Variants in TRPM6 observed in about 807,000 individuals in gnomAD.
The protein encoded by TRPM6 is transient receptor potential cation channel subfamily M member 6, also known as channel kinase 2.
A neutral mutation model predicts 247.6 loss-of-function variants in TRPM6; 111 were observed. The ratio of observed to expected loss-of-function variants is 0.45; its 90% CI spans 0.38 to 0.52. The LOEUF (loss-of-function observed/expected upper bound fraction) is 0.52, where lower values mean the gene tolerates loss of function less well. TRPM6 is among the 20% of genes least tolerant of loss of function. The probability of loss-of-function intolerance (pLI) is 0.00; values close to 1 mark genes in which losing one functional copy is unlikely to be tolerated. For missense variants in TRPM6, 2,126 were observed against 2,421.5 expected (o/e 0.88, Z 2.56); for synonymous variants, 892 against 853.8 (o/e 1.04, Z -0.78).
chr9:74,789,835 C>T (rs1827833946), intron 19 of TRPM6, among the ~76,000 whole-genome samples: 1 of 151,940 alleles, frequency 6.6e-6, no homozygotes, highest in South Asian at 2.1e-4. Flanking sequence ...GTGGTGCACA[C>T]CTGTAATCCC....
At position 74,728,411 on chromosome 9, in the gene TRPM6, C is replaced by T. The variant is rs1383650227; in HGVS notation, c.5829-66G>A. On this transcript the variant is annotated intron_variant, in intron 37 of 38. Coordinates refer to ENST00000360774, the MANE Select transcript of TRPM6 (RefSeq NM_017662.5). ...AAAAAGGAGCTCAACTAGGATTCTC[C>T]GAGATACCGAACAGTATCCCATAGT... is the stretch of plus-strand genomic sequence containing the variant. 3.9e-5 allele frequency: 45 copies of T among 1,146,776 alleles called. 1 individual carries two copies. Among genetic ancestry groups the T allele is most frequent in the African/African-American group, 3.0e-5 (2 of 65,654 alleles). The allele number at this position is 1,146,776 out of a possible 1,614,324, so 71.0% of individuals were successfully genotyped here.
chr9:74,789,049 G>A (rs1468350989), intron 19 of TRPM6, among the ~76,000 whole-genome samples: 1 of 152,178 alleles, frequency 6.6e-6, no homozygotes, highest in African/African-American at 2.4e-5. Flanking sequence ...AGGGGCACTG[G>A]CAAGCTAACA....
At chr9:74,797,999 G>GT (rs1184032726) in intron 17 of TRPM6, among the ~76,000 whole-genome samples, 3 of 151,972 alleles carry the variant, frequency 2.0e-5, no homozygotes, top group African/African-American at 7.3e-5. Flanking sequence ...ACATCCACAA[G>GT]TTTTTTTCAT....
At chr9:74,866,294 C>G (rs1202545278) in intron 1 of TRPM6, among the ~76,000 whole-genome samples, 1 of 152,006 alleles carries the variant, frequency 6.6e-6, no homozygotes, top group Non-Finnish European at 1.5e-5. Flanking sequence ...GGATTTTGCT[C>G]CTTAAAATTT....
chr9:74,733,869 C>G (rs1825605964), intron 36 of TRPM6, among the ~76,000 whole-genome samples: 1 of 152,180 alleles, frequency 6.6e-6, no homozygotes, highest in African/African-American at 2.4e-5. Flanking sequence ...CATACTTATA[C>G]TTTCATTCTA....
chr9:74,876,454 C>G (rs1381886158), intron 1 of TRPM6, among the ~76,000 whole-genome samples: 1 of 152,222 alleles, frequency 6.6e-6, no homozygotes, highest in Non-Finnish European at 1.5e-5. Flanking sequence ...TATTAACTCA[C>G]TTAAATTGCT....
intron 12 of TRPM6, 105 bp from the exon 13 acceptor site, chr9:74,810,973 G>T: frequency 1.1e-6 from 1 of 885,592 alleles, no homozygotes; most frequent in Non-Finnish European, 1.8e-6. Context: ...ACTGAAAATT[G>T]TGTTCAATAT....
intron 32 of TRPM6, among the ~76,000 whole-genome samples, chr9:74,743,655 T>C (rs1005698689): frequency 1.3e-5 from 2 of 152,216 alleles, no homozygotes; most frequent in African/African-American, 4.8e-5. Flanking sequence ...ATAACATCTT[T>C]GTTGAACTCA....
At chr9:74,814,111 T>C (rs1246859010) in intron 11 of TRPM6, among the ~76,000 whole-genome samples, 1 of 151,936 alleles carries the variant, frequency 6.6e-6, no homozygotes, top group East Asian at 1.9e-4. Context: ...AAAAAGAAAA[T>C]ATTGGATTCT....
chr9:74,809,462 T>C (rs1237625322), intron 13 of TRPM6, among the ~76,000 whole-genome samples: 3 of 152,200 alleles, frequency 2.0e-5, no homozygotes, highest in Admixed American at 6.5e-5. Context: ...TGAATGTAAA[T>C]AATTTAATTT....
intron 13 of TRPM6, among the ~76,000 whole-genome samples, chr9:74,809,758 C>G (rs1470643220): frequency 6.6e-6 from 1 of 152,008 alleles, no homozygotes; most frequent in Non-Finnish European, 1.5e-5. Context: ...GCGGGTGGAT[C>G]ACCTGCGGTC....
At chr9:74,871,090 A>G (rs1405223260) in intron 1 of TRPM6, among the ~76,000 whole-genome samples, 1 of 152,234 alleles carries the variant, frequency 6.6e-6, no homozygotes, top group African/African-American at 2.4e-5. Flanking sequence ...AGATAGTTAC[A>G]ATGTTATAAC....
At chr9:74,830,909 G>A (rs1476448089) in intron 6 of TRPM6, among the ~76,000 whole-genome samples, 1 of 151,160 alleles carries the variant, frequency 6.6e-6, no homozygotes, top group Non-Finnish European at 1.5e-5. Context: ...AGCCAAGAAT[G>A]TGAATTGTTA....
intron 23 of TRPM6, among the ~76,000 whole-genome samples, chr9:74,778,159 T>C (rs1827290942): frequency 6.6e-6 from 1 of 152,026 alleles, no homozygotes; most frequent in African/African-American, 2.4e-5. Context: ...GCCTTTGAAA[T>C]GGAAAGGGGG....
At chr9:74,819,016 T>C (rs1424183463) in intron 9 of TRPM6, among the ~76,000 whole-genome samples, 2 of 152,142 alleles carry the variant, frequency 1.3e-5, no homozygotes, top group South Asian at 4.1e-4. Flanking sequence ...TTGATATGAA[T>C]TGATAATTCA....
chr9:74,868,737 G>A (rs141639982), intron 1 of TRPM6, among the ~76,000 whole-genome samples: 1 of 152,306 alleles, frequency 6.6e-6, no homozygotes, highest in East Asian at 1.9e-4. Context: ...AAGGTGGCGA[G>A]GGTGTCCATG....
At chr9:74,743,393 G>C (rs917227809) in intron 32 of TRPM6, among the ~76,000 whole-genome samples, 2 of 152,164 alleles carry the variant, frequency 1.3e-5, no homozygotes, top group African/African-American at 2.4e-5. Flanking sequence ...TTTGTAAAAG[G>C]CTTGCCCATG....
chr9:74,796,536 TGATTAA>T (rs1828105694), intron 18 of TRPM6, among the ~76,000 whole-genome samples, 199 bp downstream of exon 18: 1 of 152,252 alleles, frequency 6.6e-6, no homozygotes, highest in Non-Finnish European at 1.5e-5. Flanking sequence ...TAGCATAATA[TGATTAA>T]GATTAAGAGA....
intron 1 of TRPM6, chr9:74,875,156 C>T (rs182601721): frequency 9.6e-6 from 4 of 415,866 alleles, no homozygotes; most frequent in Middle Eastern, 3.5e-4. Flanking sequence ...TTAAAACCAC[C>T]ATCATCATCT....
Sources: gnomAD v4.1 joint callset for allele counts (sites outside exome capture counted in the v4.1 genomes callset) on GRCh38, gnomAD v4.1.1 for gene constraint, MANE v1.5 for transcripts, NCBI Gene and HGNC (gene_info 2026-07-23, HGNC 2026-07-21) for gene names.